The following RAC3 variants were observed in gnomAD, a reference collection of about 807,000 sequenced individuals.
The protein encoded by RAC3 is ras-related C3 botulinum toxin substrate 3.
A neutral mutation model predicts 19.0 loss-of-function variants in RAC3; 9 were observed. The ratio of observed to expected loss-of-function variants is 0.47; its 90% confidence interval spans 0.29 to 0.83. The LOEUF (loss-of-function observed/expected upper bound fraction) is 0.83, where lower values mean the gene tolerates loss of function less well. Among genes scored for constraint, RAC3 ranks in the 40% least tolerant of loss-of-function variants. RAC3 has a pLI of 0.09. For missense variants in RAC3, 203 were observed against 260.8 expected, an observed-to-expected ratio of 0.78 and a Z score of 1.53; for synonymous variants, 146 against 111.8, an observed-to-expected ratio of 1.31 and a Z score of -1.93.
chr17:82,032,863 G>A (rs777364189), intron 3 of RAC3, 35 bp downstream of exon 3: 3 of 1,611,342 alleles, frequency 1.9e-6, no homozygotes, highest in Non-Finnish European at 2.5e-6. Context: ...GGGAGCTGGG[G>A]GGGTCCCTGA....
Position 82,033,986 on chromosome 17 carries a change from C to A in RAC3, c.*157C>A. The A allele has an allele frequency of 1.0e-6, 1 of 1,001,974 alleles. No homozygotes were observed. The highest frequency in any genetic ancestry group is 1.4e-6 in the Non-Finnish European group (1 of 704,266). 62.1% of individuals were successfully genotyped at this position (1,001,974 alleles called of 1,614,324 possible). ...ATGAGGCTGGGTGGCAGGATCCTGT[C>A]CTCTCTGCCGCCTCATTCTGGGGTG... On this transcript the variant is annotated 3_prime_UTR_variant, in exon 6 of 6. Transcript: ENST00000306897. The surrounding 1 kb of genome is among the most constrained non-coding windows in gnomAD (Gnocchi z 6.2).
In RAC3 at chr17:82,032,534, C is replaced by T. The variant is rs1198774850; in HGVS notation, c.107+76C>T. On this transcript the variant is annotated intron_variant, in intron 2 of 5. Coordinates refer to ENST00000306897, the MANE Select transcript of RAC3 (RefSeq NM_005052.3). ...CATGGGGGGGACACGGGCAGGGTCT[C>T]CTCTGGGCTTCCACGTCGGCTCAGG... 3.7e-5 allele frequency: 57 copies of T among 1,539,024 alleles called. No homozygotes were observed. In the South Asian group the frequency reaches 4.5e-4, roughly 12 times the overall value.
intron 2 of RAC3, 81 bp from the exon 3 acceptor site, chr17:82,032,630 G>A (rs1019475199): frequency 9.5e-6 from 14 of 1,478,356 alleles, no homozygotes; most frequent in African/African-American, 6.9e-5. Context: ...GCAGACTTGT[G>A]AACCCCAAGA....
At chr17:82,032,661 G>A (rs1224541552) in intron 2 of RAC3, 50 bp from the exon 3 acceptor site, 1 of 1,555,526 alleles carries the variant, frequency 6.4e-7, no homozygotes, top group Non-Finnish European at 8.9e-7. Context: ...CAGGGCTGGG[G>A]GTTTCTGGGA....
chr17:82,032,049 C>T, intron 1 of RAC3: 2 of 249,336 alleles, frequency 8.0e-6, no homozygotes, highest in Non-Finnish European at 1.5e-5. Flanking sequence ...CGAGGCGGGG[C>T]CGCCGCCCTG....
intron 1 of RAC3, chr17:82,032,178 C>G (rs2043437146): frequency 3.4e-6 from 2 of 588,460 alleles, no homozygotes; most frequent in South Asian, 4.1e-5. Context: ...GTGGGGCGCC[C>G]TGCGCCCTTA....
Position 82,033,872 on chromosome 17 carries a change from C to G in RAC3, c.*43C>G, listed in dbSNP as rs1260161777. ...GCCTGAGGGCTGGCGGGGAGCAGCCCTGGACGTGTCCGCTGTTGTGTTGAG... is the reference window on the plus strand; with the variant it reads ...GCCTGAGGGCTGGCGGGGAGCAGCCGTGGACGTGTCCGCTGTTGTGTTGAG... On this transcript the variant is annotated 3_prime_UTR_variant, in exon 6 of 6. Transcript: ENST00000306897. This position sits in a 1 kb window ranked among gnomAD's most constrained non-coding sequence, Gnocchi z 6.2. 1.3e-6 allele frequency: 2 copies of G among 1,551,010 alleles called. No homozygotes were observed. The highest frequency in any genetic ancestry group is 2.7e-5 in the African/African-American group (2 of 73,162).
rs368926596 is a variant in RAC3, at chr17:82,032,523, G to A, written c.107+65G>A. The A allele has an allele frequency of 7.4e-3, 11,591 of 1,569,700 alleles. 69 individuals carry two copies. Among genetic ancestry groups the A allele is most frequent in the Admixed American group, 9.9e-3 (589 of 59,694 alleles). ...TGTGAGTGTGGCATGGGGGGGACAC[G>A]GGCAGGGTCTCCTCTGGGCTTCCAC... On this transcript the variant is annotated intron_variant, in intron 2 of 5. Transcript: ENST00000306897.
intron 1 of RAC3, 149 bp from the exon 2 acceptor site, chr17:82,032,238 C>A: frequency 1.4e-6 from 1 of 703,340 alleles, no homozygotes; most frequent in Non-Finnish European, 2.4e-6. Context: ...GTCCTCCAGC[C>A]TTAGGTCGCC....
intron 1 of RAC3, 52 bp downstream of exon 1, chr17:82,031,848 C>T (rs1218756176): frequency 2.8e-5 from 4 of 143,844 alleles, no homozygotes; most frequent in Non-Finnish European, 4.1e-5. Flanking sequence ...GAGGGGGGCT[C>T]GGGGGCTCGG....
In RAC3 at chr17:82,033,800, A is replaced by C. The variant is rs2043456579; in HGVS notation, c.550A>C (p.Lys184Gln). The C allele has an allele frequency of 6.2e-7, 1 of 1,609,204 alleles. No individual in the cohort carries two copies. Among genetic ancestry groups the C allele is most frequent in the East Asian group, 2.2e-5 (1 of 44,668 alleles). The change falls in exon 6 of 6, where the codon AAG becomes CAG. Residue 184 changes from lysine (K) to glutamine (Q), a missense_variant. Coordinates refer to ENST00000306897, the MANE Select transcript of RAC3 (RefSeq NM_005052.3). This position sits in a 1 kb window ranked among gnomAD's most constrained non-coding sequence, Gnocchi z 6.2. ...GGTGCTCTGCCCGCCCCCAGTGAAG[A>C]AGCCGGGGAAGAAGTGCACCGTCTT... ...RAVLCPPPVK[K>Q]PGKKCTVF is the part of the protein sequence containing the mutation.
Position 82,033,400 on chromosome 17 carries a change from C to A in RAC3, c.289-40C>A. 1 of 1,537,744 alleles carries A rather than the reference C, an allele frequency of 6.5e-7. No individual in the cohort carries two copies. ...ACTTGCTCAGGTGGGGCTGGGGTAG[C>A]CGACTCCGGGCCTAGGGATCAGAGC... On this transcript the variant is annotated intron_variant, in intron 4 of 5. Coordinates refer to ENST00000306897, the MANE Select transcript of RAC3 (RefSeq NM_005052.3). This position sits in a 1 kb window ranked among gnomAD's most constrained non-coding sequence, Gnocchi z 6.2.
chr17:82,033,094 T>C lies in RAC3; in HGVS notation c.288+85T>C. 7.7e-7 allele frequency: 1 copy of C among 1,300,338 alleles called. No individual in the cohort carries two copies. Among genetic ancestry groups the C allele is most frequent in the Non-Finnish European group, 1.0e-6 (1 of 975,188 alleles). 80.6% of individuals were successfully genotyped at this position (1,300,338 alleles called of 1,614,324 possible). A position where few individuals can be genotyped will look rare whatever the true frequency, so the allele number is the denominator to read the frequency against. ...AGTTGTCCTTTAGAGGCAATTGCGA[T>C]ACGGGTTCTGCCTGGGGTAGGCACA... On this transcript the variant is annotated intron_variant, in intron 4 of 5. Coordinates refer to ENST00000306897, the MANE Select transcript of RAC3 (RefSeq NM_005052.3). This position sits in a 1 kb window ranked among gnomAD's most constrained non-coding sequence, Gnocchi z 6.2.
rs779500527 is a variant in RAC3, at chr17:82,033,781, C to T, written c.531C>T (p.Leu177=). 5.0e-6 allele frequency: 8 copies of T among 1,612,066 alleles called. No individual in the cohort carries two copies. Among genetic ancestry groups the T allele is most frequent in the African/African-American group, 1.3e-5 (1 of 74,888 alleles). ...TVFDEAIRAV[L]CPPPVKKPGK... ...TTGACGAGGCGATCCGCGCGGTGCT[C>T]TGCCCGCCCCCAGTGAAGAAGCCGG... Residue 177 remains leucine, a synonymous_variant, in exon 6 of 6, where the codon CTC becomes CTT. Coordinates refer to ENST00000306897, the MANE Select transcript of RAC3 (RefSeq NM_005052.3). The surrounding 1 kb of genome is among the most constrained non-coding windows in gnomAD (Gnocchi z 6.2).
rs1385249890 is a variant in RAC3 at position 82,034,042 on chromosome 17, G to GGCC, written c.*215_*217dup. The GGCC allele has an allele frequency of 9.2e-6, 5 of 544,024 alleles. No homozygotes were observed. The highest frequency in any genetic ancestry group is 1.5e-5 in the Non-Finnish European group (5 of 332,034). The allele number at this position is 544,024 out of a possible 1,614,324, so 33.7% of individuals were successfully genotyped here. ...CCAGCCTTCCCTGGCCCCCGCCGGA[G>GGCC]GCCGGGAGGGAGCAGGGTCTCCCTC... On this transcript the variant is annotated 3_prime_UTR_variant, in exon 6 of 6. Coordinates refer to ENST00000306897, the MANE Select transcript of RAC3 (RefSeq NM_005052.3).
At chr17:82,032,866 G>T in intron 3 of RAC3, 38 bp downstream of exon 3, 1 of 1,610,570 alleles carries the variant, frequency 6.2e-7, no homozygotes, top group Non-Finnish European at 8.5e-7. Flanking sequence ...AGCTGGGGGG[G>T]TCCCTGAGAT....
chr17:82,033,641 C>T lies in RAC3; in HGVS notation c.448+42C>T, dbSNP rs567084460. 1.5e-5 allele frequency: 24 copies of T among 1,601,274 alleles called. No homozygotes were observed. Among genetic ancestry groups the T allele is most frequent in the Admixed American group, 8.4e-5 (5 of 59,402 alleles). On this transcript the variant is annotated intron_variant, in intron 5 of 5. Coordinates refer to ENST00000306897, the MANE Select transcript of RAC3 (RefSeq NM_005052.3). This position sits in a 1 kb window ranked among gnomAD's most constrained non-coding sequence, Gnocchi z 6.2. ...GGCCTGCAGGGGAGGGGTGGGGAGG[C>T]GCAGTAAGGGCCTCCCTGTACCCCA...
chr17:82,031,912 G>A (rs547401166), intron 1 of RAC3, 116 bp downstream of exon 1: 3 of 429,818 alleles, frequency 7.0e-6, no homozygotes, highest in East Asian at 1.7e-4. Flanking sequence ...AGGCGGCCCC[G>A]CCGTACCCCG....
At chr17:82,032,551 C>T (rs2043441391) in intron 2 of RAC3, 93 bp downstream of exon 2, 8 of 1,437,678 alleles carry the variant, frequency 5.6e-6, no homozygotes, top group South Asian at 1.2e-5. Context: ...GCTTCCACGT[C>T]GGCTCAGGTG....
Sources: allele counts gnomAD v4.1 joint callset, GRCh38; gene constraint gnomAD v4.1.1; non-coding constraint Gnocchi (gnomAD v3.1); transcripts MANE v1.5; gene names NCBI Gene and HGNC (gene_info 2026-07-23, HGNC 2026-07-21).